PRKG1: variants seen among roughly 807,000 people sequenced by gnomAD.
The protein encoded by PRKG1 is protein kinase cGMP-dependent 1, also known as cGMP-dependent protein kinase 1.
In PRKG1, 35 loss-of-function variants were observed where a neutral mutation model predicts 88.1. The observed-to-expected ratio is 0.40, with a 90% confidence interval of 0.30 to 0.53. PRKG1 has a LOEUF of 0.53. PRKG1 is among the 20% of genes least tolerant of loss of function. The pLI is 0.59. For missense variants in PRKG1, 540 were observed against 839.8 expected (o/e 0.64, Z 4.41); for synonymous variants, 303 against 292.5 (o/e 1.04, Z -0.37).
chr10:51,349,123 G>T (rs1842180630), intron 2 of PRKG1, among the ~76,000 whole-genome samples: 3 of 152,158 alleles, frequency 2.0e-5, no homozygotes, highest in Non-Finnish European at 4.4e-5. Flanking sequence ...TCGATGAGGA[G>T]TCTCAGACTT....
At chr10:52,043,076 A>G (rs1484472013) in intron 5 of PRKG1, among the ~76,000 whole-genome samples, 1 of 152,110 alleles carries the variant, frequency 6.6e-6, no homozygotes, top group East Asian at 1.9e-4. Flanking sequence ...AAAAGAAAAC[A>G]AGTATTAGTG....
At position 50,991,373 on chromosome 10, in the gene PRKG1, GA is replaced by G; in HGVS notation, c.1del. ...AAAAAGTTTCGCGGAGGGGCTCAGT[GA>G]AAAAATGAGCGAGCTAGAGGAAGAC... On this transcript the variant is annotated 5_prime_UTR_variant, in exon 1 of 18. Coordinates refer to the PRKG1 transcript ENST00000401604. This position sits in a 1 kb window ranked among gnomAD's most constrained non-coding sequence, Gnocchi z 4.5. 6.6e-7 allele frequency: 1 copy of G among 1,523,536 alleles called. No homozygotes were observed. Among genetic ancestry groups the G allele is most frequent in the Non-Finnish European group, 8.8e-7 (1 of 1,135,090 alleles). 94.4% of individuals were successfully genotyped at this position (1,523,536 alleles called of 1,614,324 possible). A position where few individuals can be genotyped will look rare whatever the true frequency, so the allele number is the denominator to read the frequency against.
intron 5 of PRKG1, among the ~76,000 whole-genome samples, chr10:51,949,097 T>C (rs996762650): frequency 6.6e-6 from 1 of 152,194 alleles, no homozygotes; most frequent in Admixed American, 6.5e-5. Context: ...GCCTTCAATA[T>C]GGACATCTAA....
Position 51,138,980 on chromosome 10 carries a change from C to A in PRKG1, c.312-14184C>A, listed in dbSNP as rs188698555. Among the ~76,000 whole-genome samples the A allele has an allele frequency of 2.0e-5, 3 of 152,180 alleles. No individual in the cohort carries two copies. In the East Asian group the frequency reaches 5.8e-4, roughly 29 times the overall value. ...TACAGGCATGAGCCACTCCGCCCGG[C>A]CACATTTTTTGAACAGGTGATGAGA... On this transcript the variant is annotated intron_variant, in intron 1 of 17. Transcript: ENST00000373980.
At chr10:51,172,089 A>G (rs1396224172) in intron 2 of PRKG1, among the ~76,000 whole-genome samples, 1 of 152,022 alleles carries the variant, frequency 6.6e-6, no homozygotes, top group Non-Finnish European at 1.5e-5. Flanking sequence ...ATGTTTTTCA[A>G]AGGGTATTTA....
intron 1 of PRKG1, among the ~76,000 whole-genome samples, chr10:51,065,579 T>C (rs1843739838): frequency 6.6e-6 from 1 of 152,142 alleles, no homozygotes; most frequent in South Asian, 2.1e-4. Flanking sequence ...AAGCCTCTGA[T>C]ATGTTTGATT....
At chr10:51,102,507 A>C (rs1276977540) in intron 1 of PRKG1, among the ~76,000 whole-genome samples, 2 of 152,160 alleles carry the variant, frequency 1.3e-5, no homozygotes, top group Non-Finnish European at 2.9e-5. Flanking sequence ...ATGGAAGTTC[A>C]TAAGTGAATT....
At chr10:51,835,709 C>T (rs1465513601) in intron 4 of PRKG1, among the ~76,000 whole-genome samples, 1 of 152,150 alleles carries the variant, frequency 6.6e-6, no homozygotes, top group African/African-American at 2.4e-5. Flanking sequence ...TGCAGACATA[C>T]ATCTATTTGT....
Position 51,011,073 on chromosome 10 carries a change from C to A in PRKG1, c.266+19429C>A, listed in dbSNP as rs1433075087. ...CTAGCACATCATAACTAAAAAGCAC[C>A]AATAAATTTCCTAAGTTACCACAAG... On this transcript the variant is annotated intron_variant, in intron 1 of 17. Coordinates refer to the PRKG1 transcript ENST00000401604. Among the ~76,000 whole-genome samples the A allele has an allele frequency of 2.0e-5, 3 of 152,246 alleles. No individual in the cohort carries two copies. The East Asian group carries it at 5.8e-4, about 29-fold the overall frequency.
chr10:52,092,574 A>G (rs946432355), intron 7 of PRKG1, among the ~76,000 whole-genome samples: 4 of 152,168 alleles, frequency 2.6e-5, no homozygotes, highest in Non-Finnish European at 5.9e-5. Context: ...TGGTGTTAAG[A>G]GTTTACTCTG....
Position 52,107,965 on chromosome 10 carries a change from A to G in PRKG1, c.936-25875A>G, listed in dbSNP as rs139325389. Among the ~76,000 whole-genome samples, 98 of 152,350 alleles carry G rather than the reference A, an allele frequency of 6.4e-4. 2 individuals are homozygous for G. Among genetic ancestry groups the G allele is most frequent in the Middle Eastern group, 3.4e-3 (1 of 294 alleles). On this transcript the variant is annotated intron_variant, in intron 7 of 17. Coordinates refer to ENST00000373980, the MANE Select transcript of PRKG1 (RefSeq NM_006258.4). Reference sequence around the variant, plus strand: ...GTCATGAAATAACTGAATTGATACAATATGGCATGTTTGATTTCTAGTGGT... The same window carrying G: ...GTCATGAAATAACTGAATTGATACAGTATGGCATGTTTGATTTCTAGTGGT...
chr10:51,938,771 C>T (rs985427431), intron 5 of PRKG1, among the ~76,000 whole-genome samples: 3 of 151,910 alleles, frequency 2.0e-5, no homozygotes, highest in African/African-American at 7.3e-5. Context: ...TGCTATTTCC[C>T]TTCTAGATAT....
At chr10:51,862,409 A>G (rs560320867) in intron 4 of PRKG1, among the ~76,000 whole-genome samples, 6 of 152,242 alleles carry the variant, frequency 3.9e-5, no homozygotes, top group South Asian at 2.1e-4. Context: ...CCTATGATCA[A>G]GAAGAATGAC....
At chr10:51,846,548 G>C (rs570373543) in intron 4 of PRKG1, among the ~76,000 whole-genome samples, 1 of 152,104 alleles carries the variant, frequency 6.6e-6, no homozygotes, top group East Asian at 1.9e-4. Context: ...AGGATCAGAG[G>C]CTTCTAATTG....
intron 9 of PRKG1, among the ~76,000 whole-genome samples, chr10:52,221,469 G>A (rs893440258): frequency 6.6e-6 from 1 of 151,978 alleles, no homozygotes; most frequent in Admixed American, 6.6e-5. Flanking sequence ...TAATATGAAA[G>A]TTAAGAATAT....
At chr10:51,650,167 G>A (rs1840005679) in intron 3 of PRKG1, among the ~76,000 whole-genome samples, 1 of 152,140 alleles carries the variant, frequency 6.6e-6, no homozygotes, top group African/African-American at 2.4e-5. Context: ...TTCACGAGGT[G>A]CTCAGGAGAG....
chr10:51,699,636 G>A, intron 3 of PRKG1: 1 of 1,461,372 alleles, frequency 6.8e-7, no homozygotes. Flanking sequence ...AACGGAAGCG[G>A]CTTTCAAGAT....
chr10:51,571,684 G>A (rs776065102), intron 3 of PRKG1, among the ~76,000 whole-genome samples: 5 of 151,836 alleles, frequency 3.3e-5, no homozygotes, highest in Non-Finnish European at 4.4e-5. Context: ...ATTTCTGTTT[G>A]ACACTTAGGG....
chr10:51,915,190 CT>C (rs768185149), intron 5 of PRKG1, among the ~76,000 whole-genome samples: 1 of 152,194 alleles, frequency 6.6e-6, no homozygotes, highest in African/African-American at 2.4e-5. Flanking sequence ...AGAAAAAGTC[CT>C]GCCTTAGGCG....
Sources: allele counts gnomAD v4.1 joint callset (sites outside exome capture counted in the v4.1 genomes callset), GRCh38; gene constraint gnomAD v4.1.1; non-coding constraint Gnocchi (gnomAD v3.1); transcripts MANE v1.5; gene names NCBI Gene and HGNC (gene_info 2026-07-23, HGNC 2026-07-21).